The following NVL variants were observed in gnomAD, a reference collection of about 807,000 sequenced individuals.
NVL encodes nuclear valosin-containing protein-like.
In NVL, 84 loss-of-function variants were observed where a neutral mutation model predicts 110.2. That is an observed-to-expected ratio of 0.76 (90% CI 0.64 to 0.91). The LOEUF is 0.91. NVL is among the 40% of genes least tolerant of loss of function. The pLI is 0.00. For missense variants in NVL, 882 were observed against 1,035.9 expected, an observed-to-expected ratio of 0.85 and a Z score of 2.04; for synonymous variants, 354 against 361.1, an observed-to-expected ratio of 0.98 and a Z score of 0.22.
intron 21 of NVL, 35 bp downstream of exon 21, chr1:224,233,166 T>C (rs1660087267): frequency 6.4e-7 from 1 of 1,563,022 alleles, no homozygotes; most frequent in Non-Finnish European, 8.8e-7. Context: ...TTAAGTATCA[T>C]AATTAGAATT....
At chr1:224,311,037 A>G (rs777620488) in intron 5 of NVL, among the ~76,000 whole-genome samples, 9 of 149,828 alleles carry the variant, frequency 6.0e-5, no homozygotes, top group Non-Finnish European at 1.2e-4. Flanking sequence ...CTGGCCTTTT[A>G]TTCTATTCCT....
chr1:224,250,402 T>C lies in NVL; in HGVS notation c.2183-84A>G, dbSNP rs112513514. On this transcript the variant is annotated intron_variant, in intron 18 of 22. Transcript: ENST00000281701. ...TTTTTTGAGAGAGGGTCTTGTTCCA[T>C]CTCCCAGGCTGGAGTGCAGTGGCAT... The C allele has an allele frequency of 3.8e-5, 48 of 1,270,264 alleles. 1 individual carries two copies. The African/African-American group carries it at 5.4e-4, about 14-fold the overall frequency. The allele number at this position is 1,270,264 out of a possible 1,614,324, so 78.7% of individuals were successfully genotyped here.
intron 18 of NVL, among the ~76,000 whole-genome samples, chr1:224,259,640 TAATAAG>T (rs1193920989): frequency 2.6e-5 from 4 of 151,890 alleles, no homozygotes; most frequent in Non-Finnish European, 5.9e-5. Context: ...CAAATAATAA[TAATAAG>T]AATGATGTTT....
At chr1:224,251,582 A>G (rs1431990449) in intron 18 of NVL, among the ~76,000 whole-genome samples, 1 of 150,588 alleles carries the variant, frequency 6.6e-6, no homozygotes, top group East Asian at 2.0e-4. Flanking sequence ...GGAGGCTGCA[A>G]TGAGCGGAGA....
intron 17 of NVL, among the ~76,000 whole-genome samples, chr1:224,268,964 C>T (rs1179328958): frequency 6.6e-6 from 1 of 151,402 alleles, no homozygotes; most frequent in African/African-American, 2.4e-5. Flanking sequence ...CGGCCCTAGA[C>T]TAAGCTTTTG....
intron 12 of NVL, among the ~76,000 whole-genome samples, chr1:224,290,727 G>A (rs1169566677): frequency 5.3e-5 from 8 of 151,522 alleles, no homozygotes; most frequent in Admixed American, 4.6e-4. Context: ...GCATGAACCT[G>A]GGAGGCGGAG....
rs59138570 is a variant in NVL, at chr1:224,240,783, C to CTTT, written c.2290-4204_2290-4202dup. Among the ~76,000 whole-genome samples, 180 of 82,672 alleles carry CTTT rather than the reference C, an allele frequency of 2.2e-3. 3 individuals are homozygous for CTTT. Among genetic ancestry groups the CTTT allele is most frequent in the African/African-American group, 3.2e-3 (61 of 19,162 alleles). 54.2% of individuals were successfully genotyped at this position (82,672 alleles called of 152,430 possible). Reference sequence around the variant, plus strand: ...ACTTGAAAGAAAGTAACAAACTGTCCTTTTTTTTTTTTTTTTTTTTTTTTT... The same window carrying CTTT: ...ACTTGAAAGAAAGTAACAAACTGTCCTTTTTTTTTTTTTTTTTTTTTTTTTTTT... On this transcript the variant is annotated intron_variant, in intron 19 of 22. Transcript: ENST00000281701.
At chr1:224,316,657 T>G (rs1373607046) in intron 4 of NVL, among the ~76,000 whole-genome samples, 1 of 86,248 alleles carries the variant, frequency 1.2e-5, no homozygotes, top group African/African-American at 4.3e-5. Flanking sequence ...AGTAAAACCC[T>G]GTCTCAAAAA....
Position 224,231,842 on chromosome 1 carries a change from T to C in NVL, c.2456-546A>G, listed in dbSNP as rs142572957. ...GAGTTCGAGACCAGCCTGACCAATATGGTGAAATCCCGTCTCTACTAAAAA... is the reference window on the plus strand; with the variant it reads ...GAGTTCGAGACCAGCCTGACCAATACGGTGAAATCCCGTCTCTACTAAAAA... On this transcript the variant is annotated intron_variant, in intron 21 of 22. Transcript: ENST00000281701. Among the ~76,000 whole-genome samples the C allele has an allele frequency of 9.2e-3, 1,385 of 150,718 alleles. 23 individuals carry two copies. The highest frequency in any genetic ancestry group is 0.029 in the African/African-American group (1,195 of 40,992).
At chr1:224,293,431 G>T (rs945524762) in intron 12 of NVL, among the ~76,000 whole-genome samples, 1 of 152,040 alleles carries the variant, frequency 6.6e-6, no homozygotes, top group Non-Finnish European at 1.5e-5. Context: ...AGATAGTCTC[G>T]CTTATGAAGT....
chr1:224,268,137 A>G lies in NVL; in HGVS notation c.2083-4T>C, dbSNP rs1440536763. On this transcript the variant is annotated splice_polypyrimidine_tract_variant and splice_region_variant and intron_variant, in intron 17 of 22. Transcript: ENST00000281701. ...CCACTCGGACACTTGCCCCTGTCTA[A>G]AAAGACATAAATCTGGTTCCATCAG... 1 of 1,607,230 alleles carries G rather than the reference A, an allele frequency of 6.2e-7. No individual in the cohort carries two copies. Among genetic ancestry groups the G allele is most frequent in the Non-Finnish European group, 8.5e-7 (1 of 1,174,434 alleles).
At chr1:224,321,089 A>C (rs1007737927) in intron 2 of NVL, among the ~76,000 whole-genome samples, 2 of 151,952 alleles carry the variant, frequency 1.3e-5, no homozygotes, top group African/African-American at 4.8e-5. Flanking sequence ...CATCTCTACA[A>C]AAAATACAAA....
intron 7 of NVL, 92 bp downstream of exon 7, chr1:224,304,942 T>C (rs1668771387): frequency 6.5e-7 from 1 of 1,545,262 alleles, no homozygotes; most frequent in Non-Finnish European, 8.9e-7. Context: ...TTTCTGCACA[T>C]AGAAGGTCCC....
chr1:224,275,374 C>G lies in NVL; in HGVS notation c.2047G>C (p.Val683Leu). ...GATCTTCGAGGACATAAAGCATCCA[C>G]TTCATCAAAGAATATCACACAGGGT... Reference protein sequence around the residue: ...SAPCVIFFDEVDALCPRRSDR... With the variant: ...SAPCVIFFDELDALCPRRSDR... The change falls in exon 17 of 23, where the codon GTG (valine) becomes CTG (leucine). Residue 683 changes from valine (V) to leucine (L), a missense_variant. Val to Leu is a conservative substitution (Grantham distance 32). Coordinates refer to ENST00000281701, the MANE Select transcript of NVL (RefSeq NM_002533.4). 6.2e-7 allele frequency: 1 copy of G among 1,614,204 alleles called. No individual in the cohort carries two copies. The highest frequency in any genetic ancestry group is 8.5e-7 in the Non-Finnish European group (1 of 1,180,036).
chr1:224,265,473 C>T (rs1440468249), intron 18 of NVL, among the ~76,000 whole-genome samples: 1 of 152,076 alleles, frequency 6.6e-6, no homozygotes, highest in African/African-American at 2.4e-5. Context: ...CACTGCACTC[C>T]AGCCTGGGCA....
At position 224,294,298 on chromosome 1, in the gene NVL, G is replaced by A. The variant is rs759014079; in HGVS notation, c.1294C>T (p.Leu432=). 1.2e-6 allele frequency: 2 copies of A among 1,613,958 alleles called. No homozygotes were observed. Among genetic ancestry groups the A allele is most frequent in the Non-Finnish European group, 1.7e-6 (2 of 1,180,028 alleles). The change falls in exon 12 of 23, where the codon CTA becomes TTA. Residue 432 remains leucine, a synonymous_variant. Transcript: ENST00000281701. ...RAGRFDREIC[L]GIPDEASRER... The stretch of plus-strand genomic sequence containing the variant: ...CTGGATGCTTCATCTGGGATACCTA[G>A]GCATATTTCTCGGTCGAACCTTCCC...
intron 15 of NVL, 92 bp from the exon 16 acceptor site, chr1:224,281,277 CTGTGTGCGTG>C (rs1666284520): frequency 6.0e-6 from 5 of 838,126 alleles, no homozygotes; most frequent in East Asian, 2.6e-5. Context: ...TGAAAGGACT[CTGTGTGCGTG>C]TGTGTGTGTG....
intron 19 of NVL, among the ~76,000 whole-genome samples, chr1:224,245,409 C>T (rs1027377443): frequency 6.6e-6 from 1 of 152,168 alleles, no homozygotes; most frequent in Non-Finnish European, 1.5e-5. Context: ...TGTGAAATTG[C>T]ACTGCTAACA....
intron 16 of NVL, among the ~76,000 whole-genome samples, chr1:224,279,834 T>A (rs1028166448): frequency 1.3e-5 from 2 of 152,260 alleles, no homozygotes; most frequent in Admixed American, 1.3e-4. Flanking sequence ...CTCATAAACC[T>A]CATACTTGAA....
Sources: gnomAD v4.1 joint callset for allele counts (sites outside exome capture counted in the v4.1 genomes callset) on GRCh38, gnomAD v4.1.1 for gene constraint, MANE v1.5 for transcripts, NCBI Gene and HGNC (gene_info 2026-07-23, HGNC 2026-07-21) for gene names.